The following RBMXL1 variants were observed in gnomAD, a reference collection of about 807,000 sequenced individuals.
The protein encoded by RBMXL1 is RNA binding motif protein, X-linked-like-1.
Under a neutral mutation model 29.0 loss-of-function variants are expected in RBMXL1, and 18 were observed. The ratio of observed to expected loss-of-function variants is 0.62; its 90% confidence interval spans 0.43 to 0.92. The LOEUF is 0.92. RBMXL1 is among the 40% of genes least tolerant of loss of function. The probability of loss-of-function intolerance (pLI) is 0.00; values close to 1 mark genes in which losing one functional copy is unlikely to be tolerated. For synonymous variants in RBMXL1, 141 were observed against 170.4 expected (o/e 0.83, Z 1.34); for missense variants, 403 against 495.8 (o/e 0.81, Z 1.78).
chr1:88,983,754 C>G lies in RBMXL1; in HGVS notation c.73G>C (p.Glu25Gln). 6.2e-7 allele frequency: 1 copy of G among 1,614,024 alleles called. No individual in the cohort carries two copies. Among genetic ancestry groups the G allele is most frequent in the Non-Finnish European group, 8.5e-7 (1 of 1,179,894 alleles). ...LNTETNEKAL[E>Q]TVFGKYGRIV... is the part of the protein sequence containing the mutation. ...CGTCCATATTTGCCAAATACTGTTT[C>G]AAGAGCTTTCTCATTTGTTTCCGTA... Residue 25 changes from glutamate (E) to glutamine (Q), a missense_variant, in exon 3 of 3, where the codon GAA becomes CAA. Physicochemically the swap from Glu to Gln is conservative, Grantham distance 29. Coordinates refer to ENST00000652648, the MANE Select transcript of RBMXL1 (RefSeq NM_001162536.3).
chr1:88,987,119 C>T lies in RBMXL1; in HGVS notation c.-241+1133G>A, dbSNP rs529418477. On this transcript the variant is annotated intron_variant, in intron 2 of 2. Transcript: ENST00000652648. Reference sequence around the variant, plus strand: ...TGCCTGGGACATACATCAGAATCAGCTGGAAAGATTTTTCAAAATACATTC... The same window carrying T: ...TGCCTGGGACATACATCAGAATCAGTTGGAAAGATTTTTCAAAATACATTC... Among the ~76,000 whole-genome samples the T allele has an allele frequency of 4.6e-5, 7 of 152,284 alleles. No individual in the cohort carries two copies. The East Asian group carries it at 9.6e-4, about 21-fold the overall frequency.
In RBMXL1 at chr1:88,980,424, AT is replaced by A. The variant is rs879210454; in HGVS notation, c.*2229del. ...AACAAAATTATCTCATAGATTTTGGATTTTTTTTTTTTTTGCCATGTTAAAG... is the reference window on the plus strand; with the variant it reads ...AACAAAATTATCTCATAGATTTTGGATTTTTTTTTTTTTGCCATGTTAAAG... On this transcript the variant is annotated 3_prime_UTR_variant, in exon 3 of 3. Transcript: ENST00000652648. The A allele has an allele frequency of 0.11, 15,745 of 144,510 alleles. 2,550 individuals are homozygous for A. The highest frequency in any genetic ancestry group is 0.36 in the African/African-American group (14,371 of 39,966). 9.0% of individuals were successfully genotyped at this position (144,510 alleles called of 1,614,324 possible). A position where few individuals can be genotyped will look rare whatever the true frequency, so the allele number is the denominator to read the frequency against.
rs936754123 is a variant in RBMXL1 at position 88,981,210 on chromosome 1, T to G, written c.*1444A>C. On this transcript the variant is annotated 3_prime_UTR_variant, in exon 3 of 3. Coordinates refer to ENST00000652648, the MANE Select transcript of RBMXL1 (RefSeq NM_001162536.3). Reference sequence around the variant, plus strand: ...ATGGTTGTTACTTTCCAGATGTCACTCATAAGTTTTATTCTACAACTAAAC... The same window carrying G: ...ATGGTTGTTACTTTCCAGATGTCACGCATAAGTTTTATTCTACAACTAAAC... The G allele has an allele frequency of 3.3e-5, 5 of 152,224 alleles. No homozygotes were observed. Among genetic ancestry groups the G allele is most frequent in the African/African-American group, 1.2e-4 (5 of 41,456 alleles). The allele number at this position is 152,224 out of a possible 1,614,324, so 9.4% of individuals were successfully genotyped here.
intron 1 of RBMXL1, 75 bp from the exon 2 acceptor site, chr1:88,988,426 G>T: frequency 2.5e-6 from 2 of 809,026 alleles, no homozygotes; most frequent in Non-Finnish European, 4.1e-6. Flanking sequence ...CTTACAGCTA[G>T]CTGATGTATC....
At chr1:88,991,684 C>T (rs1677803170) in intron 1 of RBMXL1, among the ~76,000 whole-genome samples, 1 of 152,180 alleles carries the variant, frequency 6.6e-6, no homozygotes, top group South Asian at 2.1e-4. Flanking sequence ...TGCTGAAAAA[C>T]TGTTCTATGA....
At chr1:88,988,218 T>C (rs1677582731) in intron 2 of RBMXL1, 34 bp downstream of exon 2, 1 of 1,411,924 alleles carries the variant, frequency 7.1e-7, no homozygotes, top group Non-Finnish European at 1.0e-6. Context: ...GCAGAATATG[T>C]ACAATAATTT....
At chr1:88,991,690 T>C (rs1677804059) in intron 1 of RBMXL1, among the ~76,000 whole-genome samples, 1 of 152,242 alleles carries the variant, frequency 6.6e-6, no homozygotes, top group Admixed American at 6.5e-5. Flanking sequence ...AAAACTGTTC[T>C]ATGAAAATGG....
chr1:88,983,040 T>C lies in RBMXL1; in HGVS notation c.787A>G (p.Arg263Gly). Residue 263 changes from arginine (R) to glycine (G), a missense_variant, in exon 3 of 3, where the codon AGA (arginine) becomes GGA (glycine). Coordinates refer to ENST00000652648, the MANE Select transcript of RBMXL1 (RefSeq NM_001162536.3). Reference protein sequence around the residue: ...DDYPSRGYGDRDGYGRDRDYS... With the variant: ...DDYPSRGYGDGDGYGRDRDYS... ...TCACGATCACGACCATATCCATCTC[T>C]ATCGCCATAGCCTCTTGATGGATAG... is the stretch of plus-strand genomic sequence containing the variant. 1.2e-6 allele frequency: 2 copies of C among 1,612,744 alleles called. No individual in the cohort carries two copies. Among genetic ancestry groups the C allele is most frequent in the Non-Finnish European group, 1.7e-6 (2 of 1,180,000 alleles).
chr1:88,990,001 T>A (rs1338755915), intron 1 of RBMXL1, among the ~76,000 whole-genome samples: 2 of 152,150 alleles, frequency 1.3e-5, no homozygotes, highest in Non-Finnish European at 2.9e-5. Context: ...TCTCCCATAG[T>A]CCAAAATGAT....
In RBMXL1 at chr1:88,982,746, C is replaced by T; in HGVS notation, c.1081G>A (p.Asp361Asn). 1 of 1,613,986 alleles carries T rather than the reference C, an allele frequency of 6.2e-7. No individual in the cohort carries two copies. The highest frequency in any genetic ancestry group is 8.5e-7 in the Non-Finnish European group (1 of 1,179,880). The change falls in exon 3 of 3, where the codon GAT (aspartate) becomes AAT (asparagine). Residue 361 changes from aspartate (D) to asparagine (N), a missense_variant. Physicochemically the swap from Asp to Asn is conservative, Grantham distance 23. Coordinates refer to ENST00000652648, the MANE Select transcript of RBMXL1 (RefSeq NM_001162536.3). ...CCGCGGCTTGAACTGCTGTAGGAAT[C>T]ACGTGAAGAAGGGTACCCCCTTTCT... The part of the protein sequence containing the change: ...SVERGYPSSR[D>N]SYSSSSRGAP...
chr1:88,989,543 T>C (rs532828994), intron 1 of RBMXL1, among the ~76,000 whole-genome samples: 1 of 152,236 alleles, frequency 6.6e-6, no homozygotes, highest in East Asian at 1.9e-4. Context: ...GGCGCAGCTG[T>C]CCCAAAAGAC....
In RBMXL1 at chr1:88,982,522, A is replaced by G; in HGVS notation, c.*132T>C. 2 of 1,325,694 alleles carry G rather than the reference A, an allele frequency of 1.5e-6. No homozygotes were observed. Among genetic ancestry groups the G allele is most frequent in the Non-Finnish European group, 2.0e-6 (2 of 982,332 alleles). The allele number at this position is 1,325,694 out of a possible 1,614,324, so 82.1% of individuals were successfully genotyped here. A position where few individuals can be genotyped will look rare whatever the true frequency, so the allele number is the denominator to read the frequency against. ...CAAGAACATAAAAATTACGGAAGGG[A>G]CTTAACAGGGAATTTAAAAAAGGTA... On this transcript the variant is annotated 3_prime_UTR_variant, in exon 3 of 3. Transcript: ENST00000652648.
At position 88,983,111 on chromosome 1, in the gene RBMXL1, C is replaced by T. The variant is rs748002776; in HGVS notation, c.716G>A (p.Arg239Gln). The T allele has an allele frequency of 2.8e-5, 45 of 1,612,230 alleles. No homozygotes were observed. The Admixed American group carries it at 6.8e-4, about 24-fold the overall frequency. ...ACCATAATCACGGTAAGTATAATCTCGTGGTGGTGGTGCATAATCTCTTGT... is the reference window on the plus strand; with the variant it reads ...ACCATAATCACGGTAAGTATAATCTTGTGGTGGTGGTGCATAATCTCTTGT... Reference protein sequence around the residue: ...RDTRDYAPPPRDYTYRDYGHS... With the variant: ...RDTRDYAPPPQDYTYRDYGHS... The change falls in exon 3 of 3, where the codon CGA becomes CAA. Residue 239 changes from arginine to glutamine, a missense_variant. Physicochemically the swap from Arg to Gln is conservative, Grantham distance 43. Transcript: ENST00000652648.
intron 2 of RBMXL1, among the ~76,000 whole-genome samples, chr1:88,985,239 G>GT (rs1677382828): frequency 6.6e-6 from 1 of 152,186 alleles, no homozygotes; most frequent in Non-Finnish European, 1.5e-5. Flanking sequence ...AAGGGAGTGC[G>GT]TGAGTATTGT....
intron 2 of RBMXL1, among the ~76,000 whole-genome samples, chr1:88,984,288 C>G (rs1677313782): frequency 7.4e-6 from 1 of 134,648 alleles, no homozygotes; most frequent in Non-Finnish European, 1.5e-5. Context: ...AATCTTGGCT[C>G]ACTGCAACCT....
intron 2 of RBMXL1, among the ~76,000 whole-genome samples, chr1:88,984,334 C>T (rs1045590102): frequency 6.6e-6 from 1 of 150,906 alleles, no homozygotes; most frequent in Non-Finnish European, 1.5e-5. Context: ...TGTGCCTCAG[C>T]CACCTGAGTA....
chr1:88,988,374 A>G, intron 1 of RBMXL1, 23 bp from the exon 2 acceptor site: 1 of 1,446,604 alleles, frequency 6.9e-7, no homozygotes. Flanking sequence ...AGAAAAATTG[A>G]GAAGAGGAAT....
At chr1:88,990,297 C>A (rs72726528) in intron 1 of RBMXL1, among the ~76,000 whole-genome samples, 35,694 of 103,812 alleles carry the variant, frequency 0.34, 4,948 homozygotes, top group Admixed American at 0.38. Context: ...ACAAAAAACA[C>A]AAAAAATAAA....
rs1677118619 is a variant in RBMXL1, at chr1:88,982,073, T to C, written c.*581A>G. 18 of 985,874 alleles carry C rather than the reference T, an allele frequency of 1.8e-5. No individual in the cohort carries two copies. The highest frequency in any genetic ancestry group is 1.8e-5 in the Non-Finnish European group (15 of 829,866). 61.1% of individuals were successfully genotyped at this position (985,874 alleles called of 1,614,324 possible). A position where few individuals can be genotyped will look rare whatever the true frequency, so the allele number is the denominator to read the frequency against. On this transcript the variant is annotated 3_prime_UTR_variant, in exon 3 of 3. Transcript: ENST00000652648. ...AGGTTCTTGCAGATTCCCAAGGAAA[T>C]GTCAGAAAGGCAAAATGGCCAGCAT...
Sources: allele counts gnomAD v4.1 joint callset (sites outside exome capture counted in the v4.1 genomes callset), GRCh38; gene constraint gnomAD v4.1.1; transcripts MANE v1.5; gene names NCBI Gene and HGNC (gene_info 2026-07-23, HGNC 2026-07-21).